ST7: variants seen among roughly 807,000 people sequenced by gnomAD.
ST7 encodes the protein suppressor of tumorigenicity 7 protein.
In ST7, 28 loss-of-function variants were observed where a neutral mutation model predicts 78.7. That is an observed-to-expected ratio of 0.36 (90% CI 0.26 to 0.49). The LOEUF (loss-of-function observed/expected upper bound fraction) is 0.49, where lower values mean the gene tolerates loss of function less well. Ranked by LOEUF, ST7 falls within the 20% of genes least tolerant of loss-of-function variation. ST7 has a pLI of 0.99. For missense variants in ST7, 418 were observed against 696.0 expected (o/e 0.60, Z 4.49); for synonymous variants, 247 against 249.6 (o/e 0.99, Z 0.10).
At chr7:117,027,543 TAAATA>T (rs1204512178) in intron 1 of ST7, among the ~76,000 whole-genome samples, 2 of 122,058 alleles carry the variant, frequency 1.6e-5, no homozygotes, top group Non-Finnish European at 3.6e-5. Flanking sequence ...AAATAAAATA[TAAATA>T]AAATAAAGTT....
At chr7:116,985,758 A>G (rs921841520) in intron 1 of ST7, among the ~76,000 whole-genome samples, 1 of 152,176 alleles carries the variant, frequency 6.6e-6, no homozygotes, top group Non-Finnish European at 1.5e-5. Context: ...CCTGCTAGAG[A>G]TTTGCTACTC....
intron 3 of ST7, among the ~76,000 whole-genome samples, chr7:117,126,356 C>CT (rs1265585664): frequency 9.3e-5 from 14 of 151,144 alleles, no homozygotes; most frequent in East Asian, 3.9e-4. Context: ...ACTATAGAGC[C>CT]TTTTTTTTGT....
chr7:117,181,583 T>C (rs1373111104), intron 10 of ST7, among the ~76,000 whole-genome samples: 2 of 152,212 alleles, frequency 1.3e-5, no homozygotes, highest in African/African-American at 4.8e-5. Flanking sequence ...AAATATTGTA[T>C]TAATACGTTG....
chr7:117,052,216 T>A (rs575258428), intron 1 of ST7, among the ~76,000 whole-genome samples: 18 of 152,328 alleles, frequency 1.2e-4, no homozygotes, highest in Admixed American at 5.2e-4. Flanking sequence ...AGGGCCATAA[T>A]TAAGTTATCC....
chr7:117,070,658 A>T (rs553843382), intron 1 of ST7, among the ~76,000 whole-genome samples: 1 of 151,994 alleles, frequency 6.6e-6, no homozygotes, highest in African/African-American at 2.4e-5. Flanking sequence ...CTCCTGCCTC[A>T]GCGTCCGGAG....
At chr7:117,009,408 A>G (rs1795294458) in intron 1 of ST7, among the ~76,000 whole-genome samples, 1 of 152,038 alleles carries the variant, frequency 6.6e-6, no homozygotes, top group Non-Finnish European at 1.5e-5. Flanking sequence ...TGGTTTGCCT[A>G]AAGAAGCTTT....
intron 14 of ST7, 32 bp from the exon 15 acceptor site, chr7:117,221,891 C>A (rs777876257): frequency 6.3e-7 from 1 of 1,588,566 alleles, no homozygotes; most frequent in East Asian, 2.3e-5. Context: ...TTTACTCCAG[C>A]CCTGATATTT....
intron 1 of ST7, chr7:116,972,617 AG>A (rs1334206667): frequency 7.2e-7 from 1 of 1,380,928 alleles, no homozygotes; most frequent in Non-Finnish European, 1.0e-6. Flanking sequence ...TCATCTTTTA[AG>A]GGCTGGTTTT....
intron 10 of ST7, among the ~76,000 whole-genome samples, chr7:117,181,158 A>C (rs979030913): frequency 9.9e-5 from 15 of 152,200 alleles, no homozygotes; most frequent in African/African-American, 3.6e-4. Context: ...AGGAAATATA[A>C]ATGATTAAAG....
At chr7:117,167,547 T>G (rs1279397271) in intron 9 of ST7, among the ~76,000 whole-genome samples, 2 of 152,034 alleles carry the variant, frequency 1.3e-5, no homozygotes, top group African/African-American at 4.8e-5. Context: ...CAGGTAAAAC[T>G]GTCAGGAAGA....
At chr7:116,989,095 G>A (rs1794312576) in intron 1 of ST7, among the ~76,000 whole-genome samples, 1 of 152,116 alleles carries the variant, frequency 6.6e-6, no homozygotes, top group South Asian at 2.1e-4. Flanking sequence ...ATCAATTTTT[G>A]TACTGCCTTT....
intron 1 of ST7, among the ~76,000 whole-genome samples, chr7:117,077,005 A>G (rs1054320583): frequency 1.4e-4 from 21 of 152,134 alleles, no homozygotes; most frequent in African/African-American, 5.1e-4. Flanking sequence ...TTGATGATGA[A>G]AGTGGCTCTC....
At chr7:117,092,357 G>A (rs1800699236) in intron 1 of ST7, among the ~76,000 whole-genome samples, 1 of 146,996 alleles carries the variant, frequency 6.8e-6, no homozygotes. Flanking sequence ...AATACCAGCA[G>A]AGCAGGGATC....
At chr7:116,959,230 T>G in intron 1 of ST7, 1 of 470,974 alleles carries the variant, frequency 2.1e-6, no homozygotes, top group Non-Finnish European at 4.4e-6. Context: ...AACAGCTCTT[T>G]ATCCGTTCAA....
intron 1 of ST7, among the ~76,000 whole-genome samples, chr7:117,095,413 T>C (rs1349555289): frequency 1.3e-5 from 2 of 152,222 alleles, no homozygotes; most frequent in African/African-American, 4.8e-5. Flanking sequence ...GGTAATTTAA[T>C]TTTCAGTCCA....
At chr7:117,225,265 T>C (rs896543983) in intron 15 of ST7, among the ~76,000 whole-genome samples, 4 of 152,228 alleles carry the variant, frequency 2.6e-5, no homozygotes, top group African/African-American at 7.2e-5. Flanking sequence ...GTTTTGAGTA[T>C]AGCATCAAAT....
At chr7:117,027,498 T>TAAAGTAAAGTAAAGTA (rs140342030) in intron 1 of ST7, among the ~76,000 whole-genome samples, 38 of 15,608 alleles carry the variant, frequency 2.4e-3, no homozygotes, top group African/African-American at 5.4e-3. Context: ...TAAAGTAAAG[T>TAAAGTAAAGTAAAGTA]AAGTAAAGTA....
chr7:117,150,558 C>T (rs140080718), intron 9 of ST7, among the ~76,000 whole-genome samples: 111 of 152,248 alleles, frequency 7.3e-4, no homozygotes, highest in African/African-American at 2.5e-3. Flanking sequence ...CCATCTGCTC[C>T]TTCTCCATCT....
intron 1 of ST7, among the ~76,000 whole-genome samples, chr7:117,060,815 G>A (rs2116440041): frequency 6.6e-6 from 1 of 152,194 alleles, no homozygotes; most frequent in East Asian, 1.9e-4. Context: ...AGACCAGCCT[G>A]GCCAACATGG....
Sources: gnomAD v4.1 joint callset for allele counts (sites outside exome capture counted in the v4.1 genomes callset) on GRCh38, gnomAD v4.1.1 for gene constraint, MANE v1.5 for transcripts, NCBI Gene and HGNC (gene_info 2026-07-23, HGNC 2026-07-21) for gene names.